The following BMP2 variants were observed in gnomAD, a reference collection of about 807,000 sequenced individuals.
The protein encoded by BMP2 is bone morphogenetic protein 2.
In BMP2, 2 loss-of-function variants were observed where a neutral mutation model predicts 28.8. The observed-to-expected ratio is 0.07, with a 90% CI of 0.03 to 0.22. BMP2 has a LOEUF of 0.22. Ranked by LOEUF, BMP2 falls within the 10% of genes least tolerant of loss-of-function variation. The pLI is 1.00. For synonymous variants in BMP2, 218 were observed against 204.3 expected (o/e 1.07, Z -0.57); for missense variants, 437 against 517.7 (o/e 0.84, Z 1.51).
chr20:6,769,921 A>T (rs529031882), intron 1 of BMP2, among the ~76,000 whole-genome samples, 199 bp from the exon 2 acceptor site: 1 of 152,264 alleles, frequency 6.6e-6, no homozygotes, highest in East Asian at 1.9e-4. Flanking sequence ...GCGATAAATC[A>T]TCTGGTTCAG....
rs1282189212 is a variant in BMP2 at position 6,767,697 on chromosome 20, C to A, written c.-1186C>A. ...CGCCGCGCCACGGCGCCGCCGCCGC[C>A]GTCGCCGCCGCCGGAGTCCTCGCCC... is the stretch of plus-strand genomic sequence containing the variant. On this transcript the variant is annotated 5_prime_UTR_variant, in exon 1 of 3. Coordinates refer to ENST00000378827, the MANE Select transcript of BMP2 (RefSeq NM_001200.4). The A allele has an allele frequency of 6.7e-6, 1 of 149,994 alleles. No homozygotes were observed. The highest frequency in any genetic ancestry group is 1.5e-5 in the Non-Finnish European group (1 of 67,452). 9.3% of individuals were successfully genotyped at this position (149,994 alleles called of 1,614,324 possible).
In BMP2 at chr20:6,778,855, G is replaced by A. The variant is rs1285043017; in HGVS notation, c.957G>A (p.Gly319=). 6.2e-7 allele frequency: 1 copy of A among 1,614,006 alleles called. No homozygotes were observed. The highest frequency in any genetic ancestry group is 1.3e-5 in the African/African-American group (1 of 74,904). ...ATGACTGGATTGTGGCTCCCCCGGG[G>A]TATCACGCCTTTTACTGCCACGGAG... The part of the protein sequence containing the change: ...GWNDWIVAPP[G]YHAFYCHGEC... Residue 319 remains glycine, a synonymous_variant, in exon 3 of 3, where the codon GGG becomes GGA. Transcript: ENST00000378827. The surrounding 1 kb of genome is among the most constrained non-coding windows in gnomAD (Gnocchi z 5.0).
intron 2 of BMP2, among the ~76,000 whole-genome samples, chr20:6,771,342 A>G (rs1411964590): frequency 6.6e-6 from 1 of 152,198 alleles, no homozygotes; most frequent in African/African-American, 2.4e-5. Flanking sequence ...AGTCAAAAAT[A>G]TGTTCCACTT....
intron 1 of BMP2, 91 bp from the exon 2 acceptor site, chr20:6,770,029 A>G: frequency 1.5e-6 from 2 of 1,343,364 alleles, no homozygotes; most frequent in South Asian, 1.4e-5. Context: ...TGGAGGAGGC[A>G]CGCCAGCCAA....
In BMP2 at chr20:6,778,351, G is replaced by A. The variant is rs1201322291; in HGVS notation, c.453G>A (p.Gln151=). The change falls in exon 3 of 3, where the codon CAG becomes CAA. Residue 151 remains glutamine (Q), a synonymous_variant. Coordinates refer to ENST00000378827, the MANE Select transcript of BMP2 (RefSeq NM_001200.4). This position sits in a 1 kb window ranked among gnomAD's most constrained non-coding sequence, Gnocchi z 5.0. The stretch of plus-strand genomic sequence containing the variant: ...AGTTTATCACCTCAGCAGAGCTTCA[G>A]GTTTTCCGAGAACAGATGCAAGATG... The part of the protein sequence containing the change: ...TEEFITSAEL[Q]VFREQMQDAL... 1 of 1,614,026 alleles carries A rather than the reference G, an allele frequency of 6.2e-7. No individual in the cohort carries two copies. Among genetic ancestry groups the A allele is most frequent in the Non-Finnish European group, 8.5e-7 (1 of 1,180,028 alleles).
At chr20:6,775,189 AG>A (rs1331962133) in intron 2 of BMP2, among the ~76,000 whole-genome samples, 1 of 152,228 alleles carries the variant, frequency 6.6e-6, no homozygotes, top group Non-Finnish European at 1.5e-5. Flanking sequence ...TGGCATCCTC[AG>A]GGTTGCTGTG....
chr20:6,770,272 T>A lies in BMP2; in HGVS notation c.146T>A (p.Val49Asp), dbSNP rs1986367702. The A allele has an allele frequency of 4.3e-6, 7 of 1,612,932 alleles. No individual in the cohort carries two copies. Among genetic ancestry groups the A allele is most frequent in the Non-Finnish European group, 5.1e-6 (6 of 1,179,666 alleles). The change falls in exon 2 of 3, where the codon GTC (valine) becomes GAC (aspartate). Residue 49 changes from valine to aspartate, a missense_variant. This residue lies in a region of BMP2 where 363 missense variants were observed against 392.8 expected (regional missense o/e 0.92). Transcript: ENST00000378827. ...GRPSSQPSDE[V>D]LSEFELRLLS... ...CCCTCATCCCAGCCCTCTGACGAGG[T>A]CCTGAGCGAGTTCGAGTTGCGGCTG...
At chr20:6,776,766 A>G (rs79934556) in intron 2 of BMP2, among the ~76,000 whole-genome samples, 5,222 of 152,318 alleles carry the variant, frequency 0.034, 145 homozygotes, top group African/African-American at 0.074. Context: ...CTTAGCTTGC[A>G]TGATGACTGT....
chr20:6,774,040 C>T (rs1986451611), intron 2 of BMP2, among the ~76,000 whole-genome samples: 1 of 152,182 alleles, frequency 6.6e-6, no homozygotes, highest in South Asian at 2.1e-4. Flanking sequence ...CCAGTGGGCC[C>T]CGTCACTTTT....
At chr20:6,769,865 G>A (rs1279956550) in intron 1 of BMP2, among the ~76,000 whole-genome samples, 3 of 152,016 alleles carry the variant, frequency 2.0e-5, no homozygotes, top group African/African-American at 4.8e-5. Flanking sequence ...TGGGGGGGAG[G>A]GCAAATCCCA....
chr20:6,776,713 G>A (rs762106473), intron 2 of BMP2, among the ~76,000 whole-genome samples: 13 of 152,188 alleles, frequency 8.5e-5, no homozygotes, highest in Non-Finnish European at 1.5e-4. Flanking sequence ...GCATTAAAGC[G>A]TTAGTTTGGT....
At chr20:6,776,967 G>A (rs1332487326) in intron 2 of BMP2, among the ~76,000 whole-genome samples, 1 of 152,156 alleles carries the variant, frequency 6.6e-6, no homozygotes. Flanking sequence ...AATAGATTTT[G>A]TTAGCACTTG....
In BMP2 at chr20:6,768,662, C is replaced by T; in HGVS notation, c.-221C>T. The T allele has an allele frequency of 2.5e-6, 1 of 396,586 alleles. No individual in the cohort carries two copies. The highest frequency in any genetic ancestry group is 4.4e-6 in the Non-Finnish European group (1 of 225,118). The allele number at this position is 396,586 out of a possible 1,614,324, so 24.6% of individuals were successfully genotyped here. ...CTTCGCCATCTCCGAGCCCCACCGC[C>T]CCTCCACTCCTCGGCCTTGCCCGAC... On this transcript the variant is annotated 5_prime_UTR_variant, in exon 1 of 3. Coordinates refer to ENST00000378827, the MANE Select transcript of BMP2 (RefSeq NM_001200.4).
Position 6,770,106 on chromosome 20 carries a change from G to A in BMP2, c.-7-14G>A, listed in dbSNP as rs1483157930. On this transcript the variant is annotated splice_polypyrimidine_tract_variant and intron_variant, in intron 1 of 2. Transcript: ENST00000378827. ...GCGGGGAACTCGGGTGACTCACGTC[G>A]GTCCTGTCCGCAGGTCGACCATGGT... 6.6e-7 allele frequency: 1 copy of A among 1,522,602 alleles called. No individual in the cohort carries two copies. The highest frequency in any genetic ancestry group is 1.4e-5 in the African/African-American group (1 of 72,824). The allele number at this position is 1,522,602 out of a possible 1,614,324, so 94.3% of individuals were successfully genotyped here.
rs968981828 is a variant in BMP2 at position 6,778,046 on chromosome 20, A to G, written c.347-199A>G. Among the ~76,000 whole-genome samples the G allele has an allele frequency of 1.3e-5, 2 of 152,210 alleles. No individual in the cohort carries two copies. Among genetic ancestry groups the G allele is most frequent in the Admixed American group, 1.3e-4 (2 of 15,284 alleles). ...TGGTATGCAATGCATGATGACATGA[A>G]CTTACAGAACAGAGAGAAGGGAGGC... is the stretch of plus-strand genomic sequence containing the variant. On this transcript the variant is annotated intron_variant, in intron 2 of 2. Coordinates refer to ENST00000378827, the MANE Select transcript of BMP2 (RefSeq NM_001200.4). The surrounding 1 kb of genome is among the most constrained non-coding windows in gnomAD (Gnocchi z 5.0).
rs1318823477 is a variant in BMP2 at position 6,767,825 on chromosome 20, G to T, written c.-1058G>T. ...CACATCTGCCGCCACAGCCTCCGCC[G>T]GCTACCCGAACGTTCTCGGGGCCAG... is the stretch of plus-strand genomic sequence containing the variant. On this transcript the variant is annotated 5_prime_UTR_variant, in exon 1 of 3. Transcript: ENST00000378827. The T allele has an allele frequency of 3.0e-6, 1 of 336,030 alleles. No individual in the cohort carries two copies. The highest frequency in any genetic ancestry group is 5.4e-6 in the Non-Finnish European group (1 of 186,442). 20.8% of individuals were successfully genotyped at this position (336,030 alleles called of 1,614,324 possible).
chr20:6,777,513 CAT>C (rs1568549415), intron 2 of BMP2, among the ~76,000 whole-genome samples: 1 of 152,018 alleles, frequency 6.6e-6, no homozygotes, highest in Non-Finnish European at 1.5e-5. Flanking sequence ...TATTTGAGGT[CAT>C]AAAGAGGTGA....
rs1030940741 is a variant in BMP2, at chr20:6,768,249, A to G, written c.-634A>G. The G allele has an allele frequency of 2.5e-6, 1 of 397,672 alleles. No homozygotes were observed. Among genetic ancestry groups the G allele is most frequent in the Admixed American group, 4.4e-5 (1 of 22,708 alleles). The allele number at this position is 397,672 out of a possible 1,614,324, so 24.6% of individuals were successfully genotyped here. A position where few individuals can be genotyped will look rare whatever the true frequency, so the allele number is the denominator to read the frequency against. On this transcript the variant is annotated 5_prime_UTR_variant, in exon 1 of 3. An upstream start codon of the reference 5' UTR is lost. Coordinates refer to ENST00000378827, the MANE Select transcript of BMP2 (RefSeq NM_001200.4). ...CGGTGCTTTCAACTGGCGAGCGCGA[A>G]TGGGGGTGCACTGGAGTAAGGCAGA... is the stretch of plus-strand genomic sequence containing the variant.
intron 2 of BMP2, 60 bp downstream of exon 2, chr20:6,770,532 G>A (rs1399185726): frequency 1.3e-6 from 2 of 1,481,732 alleles, no homozygotes; most frequent in Admixed American, 2.3e-5. Flanking sequence ...TCCACCGTGG[G>A]CAGACTGCAG....
Sources: allele counts gnomAD v4.1 joint callset (sites outside exome capture counted in the v4.1 genomes callset), GRCh38; gene constraint gnomAD v4.1.1; regional missense constraint gnomAD v4.1.1; non-coding constraint Gnocchi (gnomAD v3.1); transcripts MANE v1.5; gene names NCBI Gene and HGNC (gene_info 2026-07-23, HGNC 2026-07-21).